The following CLUL1 variants were observed in gnomAD, a reference collection of about 807,000 sequenced individuals.
CLUL1 encodes the protein clusterin like 1.
A neutral mutation model predicts 49.4 loss-of-function variants in CLUL1; 43 were observed. The ratio of observed to expected loss-of-function variants is 0.87; its 90% confidence interval spans 0.68 to 1.12. The LOEUF (loss-of-function observed/expected upper bound fraction) is 1.12. CLUL1 is among the 50% of genes most tolerant of loss of function. The pLI, the probability that CLUL1 is intolerant of heterozygous loss-of-function variation, is 0.00. For missense variants in CLUL1, 486 were observed against 544.4 expected (o/e 0.89, Z 1.07); for synonymous variants, 192 against 184.9 (o/e 1.04, Z -0.31).
At chr18:613,283 T>A in intron 2 of CLUL1, 1 of 401,038 alleles carries the variant, frequency 2.5e-6, no homozygotes, top group Non-Finnish European at 4.4e-6. Flanking sequence ...GGACTATAGG[T>A]GCGTGCCACC....
At chr18:632,455 TC>T (rs2074018680) in intron 6 of CLUL1, among the ~76,000 whole-genome samples, 2 of 152,144 alleles carry the variant, frequency 1.3e-5, no homozygotes, top group African/African-American at 4.8e-5. Context: ...CTTTGAAACT[TC>T]TTCCCAATTA....
Position 606,041 on chromosome 18 carries a change from T to C in CLUL1, c.-135-937T>C, listed in dbSNP as rs2072965186. Reference sequence around the variant, plus strand: ...ACACGTTACCCAAATGTTCCCTAGTTTTTCTGCCTTCCAAGATCACTCTGG... The same window carrying C: ...ACACGTTACCCAAATGTTCCCTAGTCTTTCTGCCTTCCAAGATCACTCTGG... On this transcript the variant is annotated intron_variant, in intron 1 of 9. Coordinates refer to ENST00000692774, the MANE Select transcript of CLUL1 (RefSeq NM_001393344.1). The surrounding 1 kb of genome is among the most constrained non-coding windows in gnomAD (Gnocchi z 4.1). Among the ~76,000 whole-genome samples, 1 of 152,150 alleles carries C rather than the reference T, an allele frequency of 6.6e-6. No homozygotes were observed. Among genetic ancestry groups the C allele is most frequent in the African/African-American group, 2.4e-5 (1 of 41,422 alleles).
chr18:632,871 A>G (rs2074027870), intron 6 of CLUL1, among the ~76,000 whole-genome samples: 1 of 152,098 alleles, frequency 6.6e-6, no homozygotes, highest in Admixed American at 6.6e-5. Context: ...TATAGGAAAA[A>G]GGGCCAGGGG....
At chr18:613,250 T>C (rs2073193559) in intron 2 of CLUL1, 1 of 443,388 alleles carries the variant, frequency 2.3e-6, no homozygotes, top group Non-Finnish European at 4.0e-6. Flanking sequence ...GCGATTCTCC[T>C]GCCTCAGCCT....
At chr18:608,416 T>A (rs540705) in intron 2 of CLUL1, among the ~76,000 whole-genome samples, 24,871 of 151,988 alleles carry the variant, frequency 0.16, 2,151 homozygotes, top group Middle Eastern at 0.3. Flanking sequence ...GTGTTTGTTT[T>A]GTTTTTTAAT....
chr18:633,809 AGGG>A (rs2074058890), intron 7 of CLUL1, among the ~76,000 whole-genome samples: 1 of 29,644 alleles, frequency 3.4e-5, no homozygotes, highest in African/African-American at 8.3e-5. Context: ...GGAATGAATC[AGGG>A]CGGAGCGTGT....
At chr18:623,389 A>C (rs1422699081) in intron 4 of CLUL1, among the ~76,000 whole-genome samples, 1 of 152,098 alleles carries the variant, frequency 6.6e-6, no homozygotes, top group Non-Finnish European at 1.5e-5. Context: ...TCATGCCTGC[A>C]ATCCCAGCAC....
intron 5 of CLUL1, among the ~76,000 whole-genome samples, chr18:625,490 C>T (rs990287204): frequency 1.3e-5 from 2 of 150,154 alleles, no homozygotes; most frequent in African/African-American, 4.9e-5. Context: ...CCAAATCTTA[C>T]CTTCAACATG....
intron 7 of CLUL1, among the ~76,000 whole-genome samples, chr18:640,350 T>C (rs1198328818): frequency 2.0e-5 from 3 of 151,708 alleles, no homozygotes; most frequent in Middle Eastern, 3.4e-3. Context: ...TTCGAGGCTG[T>C]AGTGAGCTAT....
chr18:608,928 C>T (rs978768115), intron 2 of CLUL1, among the ~76,000 whole-genome samples: 4 of 152,114 alleles, frequency 2.6e-5, no homozygotes, highest in South Asian at 4.1e-4. Flanking sequence ...TTTTCTTTAT[C>T]GTCCAATAAT....
intron 7 of CLUL1, among the ~76,000 whole-genome samples, chr18:640,458 ATT>A (rs71174262): frequency 0.068 from 10,172 of 150,170 alleles, 364 homozygotes; most frequent in Middle Eastern, 0.097. Flanking sequence ...AAATGCAGCC[ATT>A]TTTTTTTTGC....
chr18:639,973 C>G (rs1053945697), intron 7 of CLUL1, among the ~76,000 whole-genome samples: 1 of 151,942 alleles, frequency 6.6e-6, no homozygotes, highest in Non-Finnish European at 1.5e-5. Context: ...AGTTAATATT[C>G]GAAAGGGCAA....
chr18:604,723 TA>T (rs2072922959), intron 1 of CLUL1, among the ~76,000 whole-genome samples: 1 of 152,246 alleles, frequency 6.6e-6, no homozygotes, highest in African/African-American at 2.4e-5. Flanking sequence ...CAGGAAGAAC[TA>T]GGTACCCTGA....
intron 2 of CLUL1, among the ~76,000 whole-genome samples, chr18:616,394 A>G (rs2073293308): frequency 6.6e-6 from 1 of 152,250 alleles, no homozygotes; most frequent in Non-Finnish European, 1.5e-5. Flanking sequence ...TGTGGCTTAT[A>G]GTATTTTCAA....
At chr18:609,759 G>T (rs1389067396) in intron 2 of CLUL1, among the ~76,000 whole-genome samples, 2 of 150,746 alleles carry the variant, frequency 1.3e-5, no homozygotes, top group African/African-American at 4.9e-5. Context: ...GGGAGGCAGA[G>T]GTTGCAGAGA....
At chr18:604,725 G>T (rs887978602) in intron 1 of CLUL1, among the ~76,000 whole-genome samples, 1 of 152,158 alleles carries the variant, frequency 6.6e-6, no homozygotes, top group African/African-American at 2.4e-5. Flanking sequence ...GGAAGAACTA[G>T]GTACCCTGAC....
At chr18:607,999 A>G (rs2073028897) in intron 2 of CLUL1, among the ~76,000 whole-genome samples, 1 of 152,332 alleles carries the variant, frequency 6.6e-6, no homozygotes, top group Middle Eastern at 3.4e-3. Flanking sequence ...CTGAGCAGTC[A>G]TCAGTTGCAC....
chr18:610,246 G>A (rs1274919170), intron 2 of CLUL1, among the ~76,000 whole-genome samples: 1 of 152,108 alleles, frequency 6.6e-6, no homozygotes, highest in Admixed American at 6.6e-5. Context: ...ATTTCTATTT[G>A]CTTTAGCTTA....
intron 7 of CLUL1, among the ~76,000 whole-genome samples, chr18:633,742 G>A (rs2074054443): frequency 1.3e-5 from 2 of 151,902 alleles, no homozygotes; most frequent in South Asian, 4.2e-4. Flanking sequence ...CTAATTTAAA[G>A]AGAGTGACGA....
Sources: allele counts gnomAD v4.1 joint callset (sites outside exome capture counted in the v4.1 genomes callset), GRCh38; gene constraint gnomAD v4.1.1; non-coding constraint Gnocchi (gnomAD v3.1); transcripts MANE v1.5; gene names NCBI Gene and HGNC (gene_info 2026-07-23, HGNC 2026-07-21).